The following SLC25A48 variants were observed in gnomAD, a reference collection of about 807,000 sequenced individuals.
The protein encoded by SLC25A48 is CTC-321K16.1.
Under a neutral mutation model 32.2 loss-of-function variants are expected in SLC25A48, and 29 were observed. The observed-to-expected ratio is 0.90, with a 90% CI of 0.67 to 1.23. The LOEUF (loss-of-function observed/expected upper bound fraction) is 1.23, where lower values mean the gene tolerates loss of function less well. SLC25A48 is among the 50% of genes most tolerant of loss of function. SLC25A48 has a pLI of 0.00. For synonymous variants in SLC25A48, 164 were observed against 172.3 expected (o/e 0.95, Z 0.38); for missense variants, 399 against 422.7 (o/e 0.94, Z 0.49).
chr5:135,877,842 C>T (rs1762168575), intron 6 of SLC25A48, among the ~76,000 whole-genome samples: 2 of 152,118 alleles, frequency 1.3e-5, no homozygotes, highest in Admixed American at 1.3e-4. Context: ...GGGACACTGC[C>T]AGGCTGCAAG....
At chr5:135,741,326 G>A (rs894280349) in intron 3 of SLC25A48, among the ~76,000 whole-genome samples, 2 of 152,162 alleles carry the variant, frequency 1.3e-5, no homozygotes, top group Non-Finnish European at 2.9e-5. Context: ...GGGTGGAAAT[G>A]AATAAACTCA....
At chr5:135,764,416 C>T (rs765525876) in intron 3 of SLC25A48, among the ~76,000 whole-genome samples, 3 of 151,720 alleles carry the variant, frequency 2.0e-5, no homozygotes, top group African/African-American at 7.3e-5. Context: ...TGATATGGTT[C>T]GTAATATCCA....
intron 1 of SLC25A48, among the ~76,000 whole-genome samples, chr5:135,587,367 T>C (rs190243638): frequency 1.3e-5 from 2 of 152,360 alleles, no homozygotes; most frequent in East Asian, 3.9e-4. Flanking sequence ...ATTCCTGAAA[T>C]TCTTTGCCTT....
chr5:135,594,098 A>G (rs921233697), intron 1 of SLC25A48, among the ~76,000 whole-genome samples: 2 of 152,234 alleles, frequency 1.3e-5, no homozygotes, highest in Non-Finnish European at 2.9e-5. Flanking sequence ...AGTCAGGAGC[A>G]AAAGAGGAAC....
chr5:135,871,380 C>G, intron 4 of SLC25A48, 81 bp from the exon 5 acceptor site: 1 of 1,484,644 alleles, frequency 6.7e-7, no homozygotes, highest in Non-Finnish European at 9.1e-7. Context: ...TGTCAAAGGG[C>G]TGGGCTGGCT....
At chr5:135,854,166 C>A (rs1453259308) in intron 4 of SLC25A48, among the ~76,000 whole-genome samples, 2 of 152,204 alleles carry the variant, frequency 1.3e-5, no homozygotes, top group African/African-American at 4.8e-5. Flanking sequence ...CTAGAACACA[C>A]AGAGCAGATT....
chr5:135,842,084 C>G lies in SLC25A48; in HGVS notation c.47-332C>G, dbSNP rs188843867. 7.2e-5 allele frequency among the ~76,000 whole-genome samples: 11 copies of G among 152,248 alleles called. No homozygotes were observed. In the East Asian group the frequency reaches 2.1e-3, roughly 29 times the overall value. On this transcript the variant is annotated intron_variant, in intron 1 of 7. Transcript: ENST00000681962. ...TTAGTTTAAGAATCTTATAGTTTTG[C>G]TCTCCCATTTAGGTCTTTGATCTAT...
At chr5:135,850,753 T>G (rs1218117273) in intron 3 of SLC25A48, among the ~76,000 whole-genome samples, 2 of 152,220 alleles carry the variant, frequency 1.3e-5, no homozygotes, top group East Asian at 3.9e-4. Flanking sequence ...CTGAAGAATC[T>G]GGAGCTGCAG....
intron 3 of SLC25A48, among the ~76,000 whole-genome samples, chr5:135,643,604 G>A (rs141317673): frequency 1.3e-5 from 2 of 152,240 alleles, no homozygotes; most frequent in East Asian, 1.9e-4. Context: ...CTCAGCCTTC[G>A]CAGAGTCAAC....
chr5:135,769,834 CT>C (rs1222690878), intron 3 of SLC25A48, among the ~76,000 whole-genome samples: 1 of 151,566 alleles, frequency 6.6e-6, no homozygotes, highest in Non-Finnish European at 1.5e-5. Context: ...TTTACACCCC[CT>C]GTGATATTGT....
chr5:135,800,372 A>G (rs1197013590), intron 3 of SLC25A48, among the ~76,000 whole-genome samples: 1 of 151,930 alleles, frequency 6.6e-6, no homozygotes, highest in Non-Finnish European at 1.5e-5. Context: ...GGGGGTGTTC[A>G]CCATTTCTGT....
At chr5:135,677,831 A>G (rs1753806227) in intron 3 of SLC25A48, among the ~76,000 whole-genome samples, 1 of 152,152 alleles carries the variant, frequency 6.6e-6, no homozygotes, top group African/African-American at 2.4e-5. Flanking sequence ...CAGCACTTTG[A>G]CTATGTGATC....
At chr5:135,610,373 A>AT (rs929130781) in intron 1 of SLC25A48, among the ~76,000 whole-genome samples, 46 of 151,828 alleles carry the variant, frequency 3.0e-4, no homozygotes, top group African/African-American at 9.2e-4. Flanking sequence ...TGCACATTCG[A>AT]TTTTTTTTGC....
At chr5:135,767,799 T>C (rs925926808) in intron 3 of SLC25A48, among the ~76,000 whole-genome samples, 17 of 151,712 alleles carry the variant, frequency 1.1e-4, no homozygotes, top group Non-Finnish European at 2.9e-5. Flanking sequence ...TGTGATATTG[T>C]TCATAATATC....
At chr5:135,686,788 A>T (rs4976317) in intron 3 of SLC25A48, among the ~76,000 whole-genome samples, 27,838 of 152,140 alleles carry the variant, frequency 0.18, 2,766 homozygotes, top group Middle Eastern at 0.3. Context: ...GAATGAAAGG[A>T]TAGACAGATA....
chr5:135,755,638 G>A (rs369775137), intron 3 of SLC25A48, among the ~76,000 whole-genome samples: 1 of 151,716 alleles, frequency 6.6e-6, no homozygotes, highest in East Asian at 1.9e-4. Context: ...ATATCGCTGT[G>A]ATATTTATCA....
intron 3 of SLC25A48, among the ~76,000 whole-genome samples, chr5:135,719,130 A>G (rs1464161242): frequency 6.6e-6 from 1 of 152,236 alleles, no homozygotes; most frequent in African/African-American, 2.4e-5. Context: ...AGTGCATGTG[A>G]ATCTGCAATT....
Position 135,888,288 on chromosome 5 carries a change from G to A in SLC25A48, c.*264G>A. 1 of 502,518 alleles carries A rather than the reference G, an allele frequency of 2.0e-6. No homozygotes were observed. 31.1% of individuals were successfully genotyped at this position (502,518 alleles called of 1,614,324 possible). ...TCAAAGAGCTTTCCAAGAAATGTTT[G>A]GTCCAGCTGAGAAGTCCTGACCATG... On this transcript the variant is annotated 3_prime_UTR_variant, in exon 8 of 8. Coordinates refer to ENST00000681962, the MANE Select transcript of SLC25A48 (RefSeq NM_001349336.2).
intron 1 of SLC25A48, among the ~76,000 whole-genome samples, chr5:135,836,986 C>CA (rs1758590180): frequency 2.4e-5 from 2 of 83,278 alleles, no homozygotes; most frequent in African/African-American, 3.8e-5. Flanking sequence ...CCCCCCCACA[C>CA]ACACACACAT....
Sources: gnomAD v4.1 joint callset for allele counts (sites outside exome capture counted in the v4.1 genomes callset) on GRCh38, gnomAD v4.1.1 for gene constraint, MANE v1.5 for transcripts, NCBI Gene and HGNC (gene_info 2026-07-23, HGNC 2026-07-21) for gene names.